The following OR56A4 variants were observed in gnomAD, a reference collection of about 807,000 sequenced individuals.
The protein encoded by OR56A4 is olfactory receptor family 56 subfamily A member 4, also known as olfactory receptor 56A4.
A neutral mutation model predicts 13.6 loss-of-function variants in OR56A4; 9 were observed. The observed-to-expected ratio is 0.66, with a 90% CI of 0.40 to 1.15. OR56A4 has a LOEUF of 1.15. Ranked by LOEUF, OR56A4 falls within the 50% of genes most tolerant of loss-of-function variation. The pLI, the probability that OR56A4 is intolerant of heterozygous loss-of-function variation, is 0.01. For synonymous variants in OR56A4, 167 were observed against 153.9 expected (o/e 1.08, Z -0.63); for missense variants, 380 against 375.9 (o/e 1.01, Z -0.09).
At chr11:6,004,298 G>T (rs1420084425) in intron 2 of OR56A4, among the ~76,000 whole-genome samples, 1 of 152,112 alleles carries the variant, frequency 6.6e-6, no homozygotes, top group Admixed American at 6.5e-5. Flanking sequence ...AGGTTGCAGT[G>T]AGCCGAGATC....
Position 6,002,660 on chromosome 11 carries a change from C to G in OR56A4, c.333G>C (p.Leu111Phe). The G allele has an allele frequency of 2.5e-6, 4 of 1,614,142 alleles. No individual in the cohort carries two copies. The highest frequency in any genetic ancestry group is 1.6e-4 in the Middle Eastern group (1 of 6,062). Residue 111 changes from leucine to phenylalanine, a missense_variant, in exon 3 of 3, where the codon TTG becomes TTC. By Grantham distance (22) the Leu-to-Phe change is conservative. Transcript: ENST00000641156. Reference protein sequence around the residue: ...FLQMFIMNSFLTMESCTFMVM... With the variant: ...FLQMFIMNSFFTMESCTFMVM... ...CCATGAACGTGCAGGACTCCATGGTCAAAAAACTGTTCATGATGAACATCT... is the reference window on the plus strand; with the variant it reads ...CCATGAACGTGCAGGACTCCATGGTGAAAAAACTGTTCATGATGAACATCT...
Position 6,002,431 on chromosome 11 carries a change from A to G in OR56A4, c.562T>C (p.Ser188Pro). The change falls in exon 3 of 3, where the codon TCC becomes CCC. Residue 188 changes from serine to proline, a missense_variant. Physicochemically the swap from Ser to Pro is moderately conservative, Grantham distance 74. Coordinates refer to ENST00000641156, the MANE Select transcript of OR56A4 (RefSeq NM_001005179.4). ...GTGATGTCATCACAAGAGAGTTTGG[A>G]CACAGACAGGTTACTGCAGATGCAG... ...KNCICSNLSVSKLSCDDITFN... is the reference protein window; with the variant it reads ...KNCICSNLSVPKLSCDDITFN... 6.2e-7 allele frequency: 1 copy of G among 1,614,270 alleles called. No homozygotes were observed. Among genetic ancestry groups the G allele is most frequent in the Non-Finnish European group, 8.5e-7 (1 of 1,180,050 alleles).
chr11:6,005,592 C>CA (rs1848252367), intron 2 of OR56A4, among the ~76,000 whole-genome samples: 1 of 152,164 alleles, frequency 6.6e-6, no homozygotes, highest in Non-Finnish European at 1.5e-5. Context: ...ACCGCTAAAA[C>CA]AAAATGCCAT....
chr11:6,003,193 T>C (rs1383918178), intron 2 of OR56A4, 165 bp from the exon 3 acceptor site: 1 of 1,240,184 alleles, frequency 8.1e-7, no homozygotes, highest in Non-Finnish European at 1.1e-6. Flanking sequence ...CCAGCCACAA[T>C]GTTTTATATT....
intron 2 of OR56A4, among the ~76,000 whole-genome samples, chr11:6,003,856 T>C (rs531290313): frequency 6.6e-6 from 1 of 152,332 alleles, no homozygotes; most frequent in East Asian, 1.9e-4. Flanking sequence ...AGAACCCACT[T>C]ACCTGGTAAG....
chr11:6,006,214 G>A (rs1848257703), intron 2 of OR56A4, 35 bp downstream of exon 2: 1 of 152,124 alleles, frequency 6.6e-6, no homozygotes, highest in Admixed American at 6.5e-5. Context: ...ATTCTTCCAG[G>A]TAATAATATA....
At position 6,000,520 on chromosome 11, in the gene OR56A4, G is replaced by A. The variant is rs1231551851; in HGVS notation, c.*1531C>T. ...GGAGATATACCTAATGTTAAATGAC[G>A]AGTTAATGGGTGCAGCACGCCAACA... On this transcript the variant is annotated 3_prime_UTR_variant, in exon 3 of 3. Transcript: ENST00000641156. The A allele has an allele frequency of 6.6e-6, 1 of 152,152 alleles. No individual in the cohort carries two copies. The highest frequency in any genetic ancestry group is 2.4e-5 in the African/African-American group (1 of 41,428). 9.4% of individuals were successfully genotyped at this position (152,152 alleles called of 1,614,324 possible).
rs969819056 is a variant in OR56A4 at position 6,000,379 on chromosome 11, C to A, written c.*1672G>T. ...ATCGCAAGGACAAAAAACCAAACAC[C>A]GCATTTTCTCACTCATAGGTGGGAG... is the stretch of plus-strand genomic sequence containing the variant. On this transcript the variant is annotated 3_prime_UTR_variant, in exon 3 of 3. Transcript: ENST00000641156. 1 of 152,092 alleles carries A rather than the reference C, an allele frequency of 6.6e-6. No individual in the cohort carries two copies. The highest frequency in any genetic ancestry group is 1.5e-5 in the Non-Finnish European group (1 of 68,040). 9.4% of individuals were successfully genotyped at this position (152,092 alleles called of 1,614,324 possible).
In OR56A4 at chr11:6,002,363, C is replaced by T; in HGVS notation, c.630G>A (p.Leu210=). 6.2e-7 allele frequency: 1 copy of T among 1,614,122 alleles called. No individual in the cohort carries two copies. Among genetic ancestry groups the T allele is most frequent in the Non-Finnish European group, 8.5e-7 (1 of 1,180,002 alleles). Residue 210 remains leucine, a synonymous_variant, in exon 3 of 3, where the codon TTG becomes TTA. Transcript: ENST00000641156. ...TAACAATAAGGATAAGATCAGAGCC[C>T]AACAGAGTCCAGCCTGCCACAAACT... is the stretch of plus-strand genomic sequence containing the variant. ...LYQFVAGWTL[L]GSDLILIVIS... is the part of the protein sequence containing the mutation.
At position 5,999,844 on chromosome 11, in the gene OR56A4, T is replaced by G. The variant is rs1183321045; in HGVS notation, c.*2207A>C. Reference sequence around the variant, plus strand: ...AACCTAAAAGAAGCTTATGACAGTGTCAGAGAAAGAAATACAGCCACACAA... The same window carrying G: ...AACCTAAAAGAAGCTTATGACAGTGGCAGAGAAAGAAATACAGCCACACAA... On this transcript the variant is annotated 3_prime_UTR_variant, in exon 3 of 3. Coordinates refer to ENST00000641156, the MANE Select transcript of OR56A4 (RefSeq NM_001005179.4). The G allele has an allele frequency of 6.6e-6, 1 of 152,212 alleles. No homozygotes were observed. Among genetic ancestry groups the G allele is most frequent in the Non-Finnish European group, 1.5e-5 (1 of 68,038 alleles). 9.4% of individuals were successfully genotyped at this position (152,212 alleles called of 1,614,324 possible).
rs747472279 is a variant in OR56A4, at chr11:6,002,994, TAA to T, written c.-4_-3del. ...GGAGTCATTGCTGGGAGATGCCATG[TAA>T]AGTTTCCTGATCAATCTGGAGACCC... On this transcript the variant is annotated 5_prime_UTR_variant, in exon 3 of 3. Coordinates refer to ENST00000641156, the MANE Select transcript of OR56A4 (RefSeq NM_001005179.4). The T allele has an allele frequency of 1.9e-6, 3 of 1,614,154 alleles. No individual in the cohort carries two copies. The highest frequency in any genetic ancestry group is 2.5e-6 in the Non-Finnish European group (3 of 1,179,996).
chr11:6,000,251 G>A lies in OR56A4; in HGVS notation c.*1800C>T, dbSNP rs1848204596. The A allele has an allele frequency of 6.6e-6, 1 of 151,774 alleles. No homozygotes were observed. The highest frequency in any genetic ancestry group is 2.4e-5 in the African/African-American group (1 of 41,240). 9.4% of individuals were successfully genotyped at this position (151,774 alleles called of 1,614,324 possible). On this transcript the variant is annotated 3_prime_UTR_variant, in exon 3 of 3. Transcript: ENST00000641156. ...ATGGTAGACTGGATTAAGAAAATGT[G>A]GCACATCTACACCATGGAATACTAT...
At chr11:6,006,164 G>C (rs1285666352) in intron 2 of OR56A4, 85 bp downstream of exon 2, 1 of 152,150 alleles carries the variant, frequency 6.6e-6, no homozygotes, top group African/African-American at 2.4e-5. Context: ...ACGAATACAG[G>C]AAGACATATG....
At chr11:6,005,488 T>C (rs1190257276) in intron 2 of OR56A4, among the ~76,000 whole-genome samples, 3 of 152,184 alleles carry the variant, frequency 2.0e-5, no homozygotes, top group African/African-American at 7.2e-5. Context: ...TAGAAGTCTG[T>C]CTGATGGTAG....
In OR56A4 at chr11:6,002,321, T is replaced by C. The variant is rs778495313; in HGVS notation, c.672A>G (p.Ile224Met). 7.4e-6 allele frequency: 12 copies of C among 1,613,992 alleles called. No individual in the cohort carries two copies. In the South Asian group the frequency reaches 1.2e-4, roughly 16 times the overall value. The change falls in exon 3 of 3, where the codon ATA (isoleucine) becomes ATG (methionine). Residue 224 changes from isoleucine to methionine, a missense_variant. Physicochemically the swap from Ile to Met is conservative, Grantham distance 10 (BLOSUM62 1). Transcript: ENST00000641156. ...LILIVISYSF[I>M]LKVVLRIKAE... ...CCTTGATCCTAAGCACAACTTTCAATATAAAAGAATAGGAGATAACAATAA... is the reference window on the plus strand; with the variant it reads ...CCTTGATCCTAAGCACAACTTTCAACATAAAAGAATAGGAGATAACAATAA...
rs117606334 is a variant in OR56A4, at chr11:6,001,872, A to C, written c.*179T>G. On this transcript the variant is annotated 3_prime_UTR_variant, in exon 3 of 3. Coordinates refer to ENST00000641156, the MANE Select transcript of OR56A4 (RefSeq NM_001005179.4). ...AAAGGGAGGTTTCCTTTCAAGCAACAGAAAACAAAGATTCACAAATAAATG... is the reference window on the plus strand; with the variant it reads ...AAAGGGAGGTTTCCTTTCAAGCAACCGAAAACAAAGATTCACAAATAAATG... 3.4e-6 allele frequency: 2 copies of C among 596,502 alleles called. No individual in the cohort carries two copies. Among genetic ancestry groups the C allele is most frequent in the African/African-American group, 3.8e-5 (2 of 52,502 alleles). The allele number at this position is 596,502 out of a possible 1,614,324, so 37.0% of individuals were successfully genotyped here. A position where few individuals can be genotyped will look rare whatever the true frequency, so the allele number is the denominator to read the frequency against.
At position 6,001,840 on chromosome 11, in the gene OR56A4, A is replaced by G; in HGVS notation, c.*211T>C. ...GGAAAAATTCCAAAGTAACCATAGA[A>G]TCCAGAAAAGGGAGGTTTCCTTTCA... On this transcript the variant is annotated 3_prime_UTR_variant, in exon 3 of 3. Coordinates refer to ENST00000641156, the MANE Select transcript of OR56A4 (RefSeq NM_001005179.4). 1 of 504,284 alleles carries G rather than the reference A, an allele frequency of 2.0e-6. No individual in the cohort carries two copies. The highest frequency in any genetic ancestry group is 3.4e-6 in the Non-Finnish European group (1 of 297,608). The allele number at this position is 504,284 out of a possible 1,614,324, so 31.2% of individuals were successfully genotyped here. A position where few individuals can be genotyped will look rare whatever the true frequency, so the allele number is the denominator to read the frequency against.
Position 6,002,512 on chromosome 11 carries a change from G to A in OR56A4, c.481C>T (p.Pro161Ser), listed in dbSNP as rs138873327. The A allele has an allele frequency of 1.2e-6, 2 of 1,614,108 alleles. No individual in the cohort carries two copies. Among genetic ancestry groups the A allele is most frequent in the East Asian group, 4.5e-5 (2 of 44,898 alleles). Residue 161 changes from proline to serine, a missense_variant, in exon 3 of 3, where the codon CCT (proline) becomes TCT (serine). By Grantham distance (74) the Pro-to-Ser change is moderately conservative (BLOSUM62 -1). Transcript: ENST00000641156. ...VIARNAFVSL[P>S]VPMLSARLRY... Reference sequence around the variant, plus strand: ...AGCCTGGCAGAAAGCATGGGAACAGGAAGAGAAACAAAGGCATTCCGGGCT... The same window carrying A: ...AGCCTGGCAGAAAGCATGGGAACAGAAAGAGAAACAAAGGCATTCCGGGCT...
rs761472498 is a variant in OR56A4, at chr11:6,002,921, C to G, written c.72G>C (p.Gln24His). 1.2e-6 allele frequency: 2 copies of G among 1,613,922 alleles called. No homozygotes were observed. Among genetic ancestry groups the G allele is most frequent in the Admixed American group, 3.3e-5 (2 of 60,008 alleles). ...EFLLICFPNF[Q>H]SWQHWLSLPL... ...GCAGAGACAACCAGTGCTGCCAGCT[C>G]TGGAAGTTGGGGAAGCAGATGAGGA... is the stretch of plus-strand genomic sequence containing the variant. Residue 24 changes from glutamine (Q) to histidine (H), a missense_variant, in exon 3 of 3, where the codon CAG becomes CAC. By Grantham distance (24) the Gln-to-His change is conservative. Transcript: ENST00000641156.
Sources: allele counts gnomAD v4.1 joint callset (sites outside exome capture counted in the v4.1 genomes callset), GRCh38; gene constraint gnomAD v4.1.1; transcripts MANE v1.5; gene names NCBI Gene and HGNC (gene_info 2026-07-23, HGNC 2026-07-21).